Variants in MDN1 observed in about 807,000 individuals in gnomAD.
The protein encoded by MDN1 is midasin AAA ATPase 1.
In MDN1, 266 loss-of-function variants were observed where a neutral mutation model predicts 669.2. The observed-to-expected ratio is 0.40, with a 90% CI of 0.36 to 0.44. The LOEUF is 0.44. Ranked by LOEUF, MDN1 falls within the 20% of genes least tolerant of loss-of-function variation. The pLI, the probability that MDN1 is intolerant of heterozygous loss-of-function variation, is 1.00. For synonymous variants in MDN1, 2,385 were observed against 2,457.1 expected, an observed-to-expected ratio of 0.97 and a Z score of 0.87; for missense variants, 5,940 against 6,754.0, an observed-to-expected ratio of 0.88 and a Z score of 4.22.
intron 1 of MDN1, among the ~76,000 whole-genome samples, chr6:89,814,394 T>C (rs1051106278): frequency 4.0e-5 from 6 of 151,426 alleles, no homozygotes; most frequent in Non-Finnish European, 7.4e-5. Flanking sequence ...CTTTTTTTTT[T>C]TTTTTTGGTA....
chr6:89,724,067 CAGG>C (rs1424277222), intron 38 of MDN1, among the ~76,000 whole-genome samples: 1 of 151,780 alleles, frequency 6.6e-6, no homozygotes, highest in East Asian at 1.9e-4. Flanking sequence ...TGCTTGCTCC[CAGG>C]AGGAGGAGAT....
chr6:89,714,292 C>T (rs1020334875), intron 46 of MDN1, among the ~76,000 whole-genome samples: 13 of 152,070 alleles, frequency 8.5e-5, no homozygotes, highest in African/African-American at 1.4e-4. Flanking sequence ...TGGAATTACT[C>T]GAGGGTTAGC....
chr6:89,697,631 G>T (rs1046282678), intron 59 of MDN1, among the ~76,000 whole-genome samples: 3 of 151,144 alleles, frequency 2.0e-5, no homozygotes, highest in African/African-American at 7.3e-5. Flanking sequence ...ACCCAGACTG[G>T]AGTGCAATGG....
chr6:89,672,003 A>C (rs1810815928), intron 82 of MDN1, among the ~76,000 whole-genome samples, 197 bp downstream of exon 82: 1 of 152,232 alleles, frequency 6.6e-6, no homozygotes, highest in African/African-American at 2.4e-5. Flanking sequence ...CTATGCATCT[A>C]ACAATTAGCT....
intron 46 of MDN1, among the ~76,000 whole-genome samples, chr6:89,713,585 A>G (rs1358855789): frequency 6.6e-6 from 1 of 152,196 alleles, no homozygotes; most frequent in Non-Finnish European, 1.5e-5. Flanking sequence ...TCTAATGCTG[A>G]CACACACTGA....
chr6:89,647,187 A>C (rs1275387592), intron 99 of MDN1, among the ~76,000 whole-genome samples: 1 of 152,206 alleles, frequency 6.6e-6, no homozygotes, highest in Non-Finnish European at 1.5e-5. Context: ...TCCCTGGGGC[A>C]TAAGAAATCA....
intron 19 of MDN1, among the ~76,000 whole-genome samples, chr6:89,757,882 A>G (rs369352589): frequency 9.1e-6 from 1 of 110,320 alleles, no homozygotes; most frequent in African/African-American, 3.0e-5. Flanking sequence ...AGTGTCTACT[A>G]AAAAAAAATA....
intron 35 of MDN1, 54 bp from the exon 36 acceptor site, chr6:89,729,193 G>T: frequency 7.1e-7 from 1 of 1,405,230 alleles, no homozygotes; most frequent in Non-Finnish European, 9.8e-7. Context: ...CAAATCACAT[G>T]TATGCATCAA....
At chr6:89,745,240 G>T in intron 29 of MDN1, 33 bp downstream of exon 29, 1 of 1,596,366 alleles carries the variant, frequency 6.3e-7, no homozygotes, top group Non-Finnish European at 8.6e-7. Flanking sequence ...GAATTGAAAT[G>T]AACCCTCATG....
At chr6:89,770,338 A>G (rs966621996) in intron 15 of MDN1, among the ~76,000 whole-genome samples, 1 of 150,548 alleles carries the variant, frequency 6.6e-6, no homozygotes, top group African/African-American at 2.4e-5. Flanking sequence ...TGGGAGCCGG[A>G]GGTTGCAGTG....
rs759752648 is a variant in MDN1 at position 89,670,978 on chromosome 6, G to A, written c.13897C>T (p.Arg4633Cys). The change falls in exon 83 of 102, where the codon CGT becomes TGT. Residue 4633 changes from arginine (R) to cysteine (C), a missense_variant. Around this residue, in one of 5 missense-constraint regions of MDN1, gnomAD observed 2,280 missense variants for 2,576.3 expected, o/e 0.88. Transcript: ENST00000369393. ...ACAGAGAGCAGCTTTGCAGTACTAC[G>A]GTGAGTTGCTAAAGACATGGTCAGG... ...FFLTMSLATH[R>C]STAKLLSVLA... 9.0e-5 allele frequency: 146 copies of A among 1,613,996 alleles called. 1 individual carries two copies. The South Asian group carries it at 1.4e-3, about 16-fold the overall frequency.
rs374635884 is a variant in MDN1 at position 89,683,825 on chromosome 6, G to C, written c.11903+6C>G. The C allele has an allele frequency of 3.1e-5, 50 of 1,610,170 alleles. No homozygotes were observed. The highest frequency in any genetic ancestry group is 4.1e-5 in the Non-Finnish European group (48 of 1,177,036). On this transcript the variant is annotated splice_donor_region_variant and intron_variant, in intron 72 of 101. Transcript: ENST00000369393. ...TGGTTGTCTCCAGTTTTAAAAGATG[G>C]ATTACCTGTGTGTCTTTTCTACAGA... is the stretch of plus-strand genomic sequence containing the variant.
rs201615854 is a variant in MDN1, at chr6:89,790,266, T to C, written c.991A>G (p.Ile331Val). 5.5e-4 allele frequency: 881 copies of C among 1,614,164 alleles called. 8 individuals carry two copies. The South Asian group carries it at 9.0e-3, about 17-fold the overall frequency. ...ACTAAGGAAGTTTTGCCACATCCTA[T>C]TGGTCCTTCCAACAACACAGCATTC... ...SQNAVLLEGP[I>V]GCGKTSLVEY... Residue 331 changes from isoleucine to valine, a missense_variant, in exon 6 of 102, where the codon ATA becomes GTA. Transcript: ENST00000369393.
At chr6:89,796,156 C>G (rs1428861674) in intron 2 of MDN1, among the ~76,000 whole-genome samples, 1 of 151,220 alleles carries the variant, frequency 6.6e-6, no homozygotes, top group Non-Finnish European at 1.5e-5. Flanking sequence ...GAAACTCCGT[C>G]TCTACTAAAA....
At chr6:89,738,043 G>A (rs1462752536) in intron 33 of MDN1, among the ~76,000 whole-genome samples, 1 of 152,136 alleles carries the variant, frequency 6.6e-6, no homozygotes, top group East Asian at 1.9e-4. Flanking sequence ...TTTAAATAAA[G>A]TGAAAGAATA....
At chr6:89,794,300 A>G (rs1217208321) in intron 3 of MDN1, 93 bp from the exon 4 acceptor site, 1 of 736,264 alleles carries the variant, frequency 1.4e-6, no homozygotes, top group Non-Finnish European at 2.2e-6. Flanking sequence ...CTAGAAAAGG[A>G]AATCTCAATT....
chr6:89,790,554 A>T (rs1274692465), intron 5 of MDN1, among the ~76,000 whole-genome samples, 153 bp from the exon 6 acceptor site: 1 of 152,156 alleles, frequency 6.6e-6, no homozygotes, highest in African/African-American at 2.4e-5. Context: ...ATGTCATCTA[A>T]AGATCTCATG....
intron 26 of MDN1, among the ~76,000 whole-genome samples, chr6:89,748,706 ATTG>A (rs1431642547): frequency 3.3e-5 from 5 of 150,474 alleles, no homozygotes; most frequent in Middle Eastern, 3.4e-3. Flanking sequence ...ATGATGTAAA[ATTG>A]TTGATTGATT....
In MDN1 at chr6:89,811,522, C is replaced by T. The variant is rs561696959; in HGVS notation, c.103-7968G>A. On this transcript the variant is annotated intron_variant, in intron 1 of 101. Coordinates refer to ENST00000369393, the MANE Select transcript of MDN1 (RefSeq NM_014611.3). Reference sequence around the variant, plus strand: ...TACGATGTCGGCTCACTGTGACCTCCGCGTCCCTCTCGGGTTCAGTTCAAC... The same window carrying T: ...TACGATGTCGGCTCACTGTGACCTCTGCGTCCCTCTCGGGTTCAGTTCAAC... Among the ~76,000 whole-genome samples, 11 of 152,010 alleles carry T rather than the reference C, an allele frequency of 7.2e-5. 1 individual carries two copies. The highest frequency in any genetic ancestry group is 6.6e-4 in the Admixed American group (10 of 15,244).
Sources: allele counts gnomAD v4.1 joint callset (sites outside exome capture counted in the v4.1 genomes callset), GRCh38; gene constraint gnomAD v4.1.1; regional missense constraint gnomAD v4.1.1; transcripts MANE v1.5; gene names NCBI Gene and HGNC (gene_info 2026-07-23, HGNC 2026-07-21).